Variants in WWOX observed in about 807,000 individuals in gnomAD.
The protein encoded by WWOX is WW domain containing oxidoreductase.
WWOX carries 69 observed loss-of-function variants against 46.2 expected under a neutral mutation model. The observed-to-expected ratio is 1.49, with a 90% CI of 1.23 to 1.82. The LOEUF (loss-of-function observed/expected upper bound fraction) is 1.82. Ranked by LOEUF, WWOX falls within the 40% of genes most tolerant of loss-of-function variation. WWOX has a pLI of 0.00. For missense variants in WWOX, 919 were observed against 542.6 expected, an observed-to-expected ratio of 1.69 and a Z score of -6.89; for synonymous variants, 359 against 202.6, an observed-to-expected ratio of 1.77 and a Z score of -6.56.
intron 8 of WWOX, among the ~76,000 whole-genome samples, chr16:79,019,316 G>T (rs1050069344): frequency 6.6e-6 from 1 of 152,046 alleles, no homozygotes; most frequent in Non-Finnish European, 1.5e-5. Flanking sequence ...CACAAACCTA[G>T]ATGGTGCCGT....
intron 8 of WWOX, among the ~76,000 whole-genome samples, chr16:78,523,889 C>T (rs1352545670): frequency 1.3e-5 from 2 of 152,218 alleles, no homozygotes; most frequent in Admixed American, 6.5e-5. Context: ...GAAGAAATTA[C>T]AGGTAAGAAC....
chr16:79,053,829 G>C (rs1029088182), intron 8 of WWOX, among the ~76,000 whole-genome samples: 1 of 152,094 alleles, frequency 6.6e-6, no homozygotes, highest in African/African-American at 2.4e-5. Flanking sequence ...GAAATTTGCA[G>C]CTTCTATTTA....
At chr16:78,787,532 A>G (rs1567559569) in intron 8 of WWOX, among the ~76,000 whole-genome samples, 1 of 152,210 alleles carries the variant, frequency 6.6e-6, no homozygotes, top group South Asian at 2.1e-4. Context: ...ATTCTGTTAC[A>G]TGGATATACC....
intron 8 of WWOX, among the ~76,000 whole-genome samples, chr16:79,072,396 C>G (rs960796874): frequency 6.6e-6 from 1 of 152,202 alleles, no homozygotes; most frequent in Admixed American, 6.5e-5. Context: ...GGCATGAGAC[C>G]TCCACATGGA....
intron 5 of WWOX, among the ~76,000 whole-genome samples, chr16:78,376,137 A>G (rs2081819492): frequency 6.6e-6 from 1 of 152,190 alleles, no homozygotes; most frequent in African/African-American, 2.4e-5. Context: ...GGCATGAGCC[A>G]CCACGCCCAG....
chr16:78,244,819 C>A (rs1038977442), intron 5 of WWOX, among the ~76,000 whole-genome samples: 1 of 152,138 alleles, frequency 6.6e-6, no homozygotes, highest in Non-Finnish European at 1.5e-5. Flanking sequence ...AAAGTGTTTT[C>A]TTTCCCCCTT....
At chr16:78,707,373 C>G (rs141436356) in intron 8 of WWOX, among the ~76,000 whole-genome samples, 1 of 152,292 alleles carries the variant, frequency 6.6e-6, no homozygotes, top group African/African-American at 2.4e-5. Flanking sequence ...ATTGGCCATG[C>G]GTCCTTGTCT....
intron 8 of WWOX, among the ~76,000 whole-genome samples, chr16:79,094,169 G>C (rs1035305761): frequency 6.6e-6 from 1 of 151,626 alleles, no homozygotes; most frequent in African/African-American, 2.4e-5. Context: ...AGGGTTGCTT[G>C]CAAAAGTTCG....
intron 8 of WWOX, among the ~76,000 whole-genome samples, chr16:78,643,470 A>G (rs2046768334): frequency 6.6e-6 from 1 of 152,154 alleles, no homozygotes; most frequent in African/African-American, 2.4e-5. Flanking sequence ...CAAGTCACCC[A>G]TGAGTAGCAA....
chr16:79,039,597 C>T lies in WWOX; in HGVS notation c.1057-172011C>T, dbSNP rs544708123. On this transcript the variant is annotated intron_variant, in intron 8 of 8. Coordinates refer to ENST00000566780, the MANE Select transcript of WWOX (RefSeq NM_016373.4). ...CACTGTTGCCAGATGCCAGCACTGG[C>T]GAGGGTTTTGCCTTCCTACCGTAGG... Among the ~76,000 whole-genome samples the T allele has an allele frequency of 6.2e-4, 95 of 152,296 alleles. 1 individual carries two copies. The highest frequency in any genetic ancestry group is 3.1e-3 in the South Asian group (15 of 4,828).
In WWOX at chr16:78,297,705, C is replaced by T. The variant is rs185419721; in HGVS notation, c.517-89155C>T. ...CAGTGTAGCATTATTTTGTAATCTA[C>T]GAACTGGGAGCCTATGGAGACCTAT... On this transcript the variant is annotated intron_variant, in intron 5 of 8. Transcript: ENST00000566780. 3.1e-3 allele frequency among the ~76,000 whole-genome samples: 473 copies of T among 152,194 alleles called. 2 individuals are homozygous for T. Among genetic ancestry groups the T allele is most frequent in the African/African-American group, 0.011 (450 of 41,532 alleles).
chr16:78,711,486 C>T (rs920096194), intron 8 of WWOX, among the ~76,000 whole-genome samples: 4 of 152,156 alleles, frequency 2.6e-5, no homozygotes, highest in African/African-American at 7.2e-5. Context: ...ACTAAGAAGA[C>T]TATCAATTTT....
intron 8 of WWOX, among the ~76,000 whole-genome samples, chr16:78,788,448 A>C (rs1169011237): frequency 6.6e-6 from 1 of 152,212 alleles, no homozygotes; most frequent in African/African-American, 2.4e-5. Flanking sequence ...CCAGAGAGTC[A>C]GTCCTGCCTT....
At chr16:78,686,367 C>G (rs536196155) in intron 8 of WWOX, among the ~76,000 whole-genome samples, 1 of 152,172 alleles carries the variant, frequency 6.6e-6, no homozygotes, top group East Asian at 1.9e-4. Flanking sequence ...AAAAATTAGC[C>G]AGGCGTGGTG....
At chr16:78,293,701 G>T (rs1323244560) in intron 5 of WWOX, among the ~76,000 whole-genome samples, 1 of 152,060 alleles carries the variant, frequency 6.6e-6, no homozygotes, top group Non-Finnish European at 1.5e-5. Context: ...AAGGTGGCTG[G>T]GTGCGGTGCC....
chr16:79,073,209 C>T (rs921901342), intron 8 of WWOX, among the ~76,000 whole-genome samples: 6 of 149,540 alleles, frequency 4.0e-5, no homozygotes, highest in Non-Finnish European at 7.4e-5. Flanking sequence ...CACCGTTTTA[C>T]TCTCTCTTTG....
At chr16:78,475,456 T>A (rs557540898) in intron 8 of WWOX, among the ~76,000 whole-genome samples, 1 of 152,316 alleles carries the variant, frequency 6.6e-6, no homozygotes, top group African/African-American at 2.4e-5. Context: ...CAGAAGAGAA[T>A]AAGGTGTTGG....
intron 8 of WWOX, among the ~76,000 whole-genome samples, chr16:78,832,225 T>C (rs2051847532): frequency 6.6e-6 from 1 of 152,136 alleles, no homozygotes; most frequent in Non-Finnish European, 1.5e-5. Flanking sequence ...ATGTGGCTTT[T>C]AGCAGGAGGC....
intron 5 of WWOX, among the ~76,000 whole-genome samples, chr16:78,235,324 C>G (rs953664527): frequency 2.0e-5 from 3 of 152,102 alleles, no homozygotes; most frequent in African/African-American, 7.2e-5. Flanking sequence ...CTTTGCCAAT[C>G]TTGGTCCTTG....
Sources: allele counts gnomAD v4.1 joint callset (sites outside exome capture counted in the v4.1 genomes callset), GRCh38; gene constraint gnomAD v4.1.1; transcripts MANE v1.5; gene names NCBI Gene and HGNC (gene_info 2026-07-23, HGNC 2026-07-21).